Variants in ATRNL1 observed in about 807,000 individuals in gnomAD.
ATRNL1 encodes the protein attractin like 1.
ATRNL1 carries 95 observed loss-of-function variants against 182.7 expected under a neutral mutation model. That is an observed-to-expected ratio of 0.52 (90% CI 0.44 to 0.62). The LOEUF (loss-of-function observed/expected upper bound fraction) is 0.62. Ranked by LOEUF, ATRNL1 falls within the 20% of genes least tolerant of loss-of-function variation. The pLI is 0.00. For synonymous variants in ATRNL1, 576 were observed against 568.3 expected (o/e 1.01, Z -0.19); for missense variants, 1,471 against 1,679.5 (o/e 0.88, Z 2.17).
intron 27 of ATRNL1, among the ~76,000 whole-genome samples, chr10:115,805,625 A>T (rs1949903800): frequency 6.6e-6 from 1 of 152,092 alleles, no homozygotes; most frequent in Non-Finnish European, 1.5e-5. Flanking sequence ...AGAACCAAAA[A>T]GCACCTTAAA....
intron 27 of ATRNL1, among the ~76,000 whole-genome samples, chr10:115,774,303 C>G (rs2134173262): frequency 6.6e-6 from 1 of 151,978 alleles, no homozygotes; most frequent in Admixed American, 6.6e-5. Flanking sequence ...TGGCAGGCAC[C>G]TGTAATCCCA....
chr10:115,323,976 A>G (rs1247745051), intron 18 of ATRNL1, among the ~76,000 whole-genome samples: 2 of 143,284 alleles, frequency 1.4e-5, no homozygotes, highest in Non-Finnish European at 3.0e-5. Context: ...ATGGGGTTTC[A>G]CCGTGTTAGC....
intron 19 of ATRNL1, among the ~76,000 whole-genome samples, chr10:115,392,436 GTAAA>G (rs1276202996): frequency 7.2e-5 from 11 of 152,084 alleles, no homozygotes; most frequent in Non-Finnish European, 1.5e-4. Flanking sequence ...ACGTGTGTAA[GTAAA>G]TAATTAAACT....
chr10:115,635,140 C>A (rs1326426415), intron 26 of ATRNL1, among the ~76,000 whole-genome samples: 1 of 151,864 alleles, frequency 6.6e-6, no homozygotes, highest in African/African-American at 2.4e-5. Flanking sequence ...AAACTAATAA[C>A]CTGGACCATA....
chr10:115,691,435 A>G (rs782317374), intron 26 of ATRNL1, among the ~76,000 whole-genome samples: 7 of 152,174 alleles, frequency 4.6e-5, no homozygotes, highest in Non-Finnish European at 2.9e-5. Flanking sequence ...AAAAATATCT[A>G]TTCAGGCCAG....
intron 26 of ATRNL1, among the ~76,000 whole-genome samples, chr10:115,692,942 T>A (rs1401063598): frequency 2.6e-5 from 4 of 152,078 alleles, no homozygotes; most frequent in Non-Finnish European, 5.9e-5. Flanking sequence ...GAATGCAACA[T>A]CCCTCTTTAT....
chr10:115,358,565 T>G (rs1856602463), intron 19 of ATRNL1, among the ~76,000 whole-genome samples: 1 of 151,732 alleles, frequency 6.6e-6, no homozygotes, highest in African/African-American at 2.4e-5. Context: ...GCTAAAAAGC[T>G]AATCTAAATG....
chr10:115,856,428 C>CAATAAAA (rs1951184070), intron 28 of ATRNL1, among the ~76,000 whole-genome samples: 1 of 22,536 alleles, frequency 4.4e-5, no homozygotes, highest in Non-Finnish European at 8.2e-5. Flanking sequence ...AGCTCCATCT[C>CAATAAAA]AAAAAAAAAA....
intron 18 of ATRNL1, among the ~76,000 whole-genome samples, chr10:115,324,690 C>T (rs1451724642): frequency 6.6e-6 from 1 of 152,076 alleles, no homozygotes; most frequent in African/African-American, 2.4e-5. Flanking sequence ...TTTTGTAGAG[C>T]TTGTGATGTG....
intron 9 of ATRNL1, among the ~76,000 whole-genome samples, chr10:115,234,108 A>C (rs1307051382): frequency 6.6e-6 from 1 of 152,010 alleles, no homozygotes; most frequent in African/African-American, 2.4e-5. Flanking sequence ...ACTAGGTCTG[A>C]TGTTTTCTTC....
intron 20 of ATRNL1, among the ~76,000 whole-genome samples, chr10:115,415,902 A>G (rs899555687): frequency 6.6e-6 from 1 of 152,028 alleles, no homozygotes; most frequent in Non-Finnish European, 1.5e-5. Context: ...TTTCTATTGT[A>G]CACATTTGGT....
chr10:115,334,105 C>T (rs1258137444), intron 18 of ATRNL1, among the ~76,000 whole-genome samples, 177 bp from the exon 19 acceptor site: 2 of 152,166 alleles, frequency 1.3e-5, no homozygotes, highest in South Asian at 2.1e-4. Flanking sequence ...ATTTATGGTA[C>T]ATACTGTCTT....
chr10:115,770,635 A>G (rs1378548039), intron 27 of ATRNL1, among the ~76,000 whole-genome samples: 1 of 152,158 alleles, frequency 6.6e-6, no homozygotes, highest in Non-Finnish European at 1.5e-5. Context: ...AGTCAATAAA[A>G]CAAACTCTGG....
chr10:115,199,436 T>G (rs914441846), intron 8 of ATRNL1, among the ~76,000 whole-genome samples: 19 of 151,980 alleles, frequency 1.3e-4, no homozygotes, highest in African/African-American at 4.3e-4. Flanking sequence ...TAGTGGCACG[T>G]GCCTTTAGTC....
intron 26 of ATRNL1, among the ~76,000 whole-genome samples, chr10:115,580,808 T>A (rs1855023284): frequency 6.6e-6 from 1 of 152,118 alleles, no homozygotes; most frequent in Non-Finnish European, 1.5e-5. Flanking sequence ...TAATGACCTG[T>A]CTTCAGTTTT....
intron 27 of ATRNL1, among the ~76,000 whole-genome samples, chr10:115,766,232 A>T (rs573490540): frequency 7.5e-4 from 114 of 152,334 alleles, no homozygotes; most frequent in Non-Finnish European, 1.5e-3. Flanking sequence ...TTCAAAAGGG[A>T]TAGGCATTTG....
At chr10:115,285,490 A>G (rs1852565556) in intron 14 of ATRNL1, among the ~76,000 whole-genome samples, 1 of 152,236 alleles carries the variant, frequency 6.6e-6, no homozygotes, top group East Asian at 1.9e-4. Context: ...ATGAAACACT[A>G]TTATTAATTA....
At chr10:115,564,880 G>T (rs1468921981) in intron 26 of ATRNL1, among the ~76,000 whole-genome samples, 2 of 151,678 alleles carry the variant, frequency 1.3e-5, no homozygotes, top group Non-Finnish European at 3.0e-5. Context: ...GCATGTAACT[G>T]TAAAGTTCTA....
intron 28 of ATRNL1, among the ~76,000 whole-genome samples, chr10:115,876,335 ATATACT>A (rs1951700138): frequency 6.6e-6 from 1 of 152,192 alleles, no homozygotes; most frequent in African/African-American, 2.4e-5. Context: ...AATGTCTGTA[ATATACT>A]TAATTCAGTA....
Sources: gnomAD v4.1 joint callset for allele counts (sites outside exome capture counted in the v4.1 genomes callset) on GRCh38, gnomAD v4.1.1 for gene constraint, MANE v1.5 for transcripts, NCBI Gene and HGNC (gene_info 2026-07-23, HGNC 2026-07-21) for gene names.